TMOD2: variants seen among roughly 807,000 people sequenced by gnomAD.
The protein encoded by TMOD2 is tropomodulin-2.
In TMOD2, 22 loss-of-function variants were observed where a neutral mutation model predicts 39.9. The observed-to-expected ratio is 0.55, with a 90% CI of 0.39 to 0.79. The LOEUF (loss-of-function observed/expected upper bound fraction) is 0.79, where lower values mean the gene tolerates loss of function less well. Ranked by LOEUF, TMOD2 falls within the 30% of genes least tolerant of loss-of-function variation. TMOD2 has a pLI of 0.00. For missense variants in TMOD2, 386 were observed against 413.3 expected, an observed-to-expected ratio of 0.93 and a Z score of 0.57; for synonymous variants, 123 against 146.1, an observed-to-expected ratio of 0.84 and a Z score of 1.14.
At chr15:51,792,577 C>T (rs1320507303) in intron 7 of TMOD2, among the ~76,000 whole-genome samples, 4 of 152,210 alleles carry the variant, frequency 2.6e-5, no homozygotes, top group East Asian at 3.9e-4. Context: ...ATGTTTATCG[C>T]GGCACTATTC....
At chr15:51,759,769 C>T (rs2055767701) in intron 1 of TMOD2, among the ~76,000 whole-genome samples, 1 of 152,114 alleles carries the variant, frequency 6.6e-6, no homozygotes, top group South Asian at 2.1e-4. Context: ...ACTCGAGTAA[C>T]TTGAGAAAAA....
At chr15:51,786,509 G>T (rs1010733600) in intron 7 of TMOD2, among the ~76,000 whole-genome samples, 1 of 152,162 alleles carries the variant, frequency 6.6e-6, no homozygotes, top group Non-Finnish European at 1.5e-5. Context: ...AGGCTGTTTG[G>T]CATTCAATCA....
At chr15:51,762,199 G>A (rs974764052) in intron 1 of TMOD2, among the ~76,000 whole-genome samples, 9 of 151,878 alleles carry the variant, frequency 5.9e-5, no homozygotes, top group Admixed American at 6.6e-5. Flanking sequence ...GCTCATACCT[G>A]TAATTCCAGC....
intron 1 of TMOD2, among the ~76,000 whole-genome samples, chr15:51,759,961 C>T (rs74015768): frequency 2.0e-5 from 3 of 152,186 alleles, no homozygotes; most frequent in Non-Finnish European, 2.9e-5. Context: ...CAATCTCCCC[C>T]TCCCCTGCTC....
At chr15:51,762,186 G>A (rs563042151) in intron 1 of TMOD2, among the ~76,000 whole-genome samples, 1 of 152,080 alleles carries the variant, frequency 6.6e-6, no homozygotes, top group South Asian at 2.1e-4. Context: ...GCTGGGCACA[G>A]TGGCTCATAC....
At chr15:51,761,627 G>A (rs1269631676) in intron 1 of TMOD2, among the ~76,000 whole-genome samples, 1 of 151,532 alleles carries the variant, frequency 6.6e-6, no homozygotes, top group African/African-American at 2.4e-5. Flanking sequence ...CCAGCTACTC[G>A]AGGGACTGAA....
chr15:51,812,008 T>A lies in TMOD2; in HGVS notation c.*3554T>A, dbSNP rs1436455296. 6.6e-6 allele frequency: 1 copy of A among 152,180 alleles called. No homozygotes were observed. Among genetic ancestry groups the A allele is most frequent in the East Asian group, 1.9e-4 (1 of 5,200 alleles). The allele number at this position is 152,180 out of a possible 1,614,324, so 9.4% of individuals were successfully genotyped here. A position where few individuals can be genotyped will look rare whatever the true frequency, so the allele number is the denominator to read the frequency against. On this transcript the variant is annotated 3_prime_UTR_variant, in exon 10 of 10. Coordinates refer to ENST00000249700, the MANE Select transcript of TMOD2 (RefSeq NM_014548.4). Reference sequence around the variant, plus strand: ...CTTTCTTCCATCTTTGTAGGGCACATTGTATATAAATATTTTGTACATAAA... The same window carrying A: ...CTTTCTTCCATCTTTGTAGGGCACAATGTATATAAATATTTTGTACATAAA...
At chr15:51,774,021 T>C (rs2055871310) in intron 4 of TMOD2, among the ~76,000 whole-genome samples, 187 bp downstream of exon 4, 2 of 152,230 alleles carry the variant, frequency 1.3e-5, no homozygotes, top group South Asian at 4.1e-4. Context: ...TTTTGCTCTA[T>C]TTCAGCAGCA....
intron 8 of TMOD2, among the ~76,000 whole-genome samples, chr15:51,804,598 GA>G (rs1273147187): frequency 6.6e-6 from 1 of 151,388 alleles, no homozygotes; most frequent in African/African-American, 2.4e-5. Context: ...TTTTGAGATG[GA>G]GCCTACTCTG....
chr15:51,797,161 C>G (rs1221468904), intron 7 of TMOD2, among the ~76,000 whole-genome samples: 1 of 152,228 alleles, frequency 6.6e-6, no homozygotes, highest in Non-Finnish European at 1.5e-5. Context: ...GAATACTGTA[C>G]TTCATTCCTG....
At chr15:51,778,150 T>A (rs1595868693) in intron 5 of TMOD2, among the ~76,000 whole-genome samples, 1 of 151,558 alleles carries the variant, frequency 6.6e-6, no homozygotes, top group Non-Finnish European at 1.5e-5. Flanking sequence ...TGGAATACTA[T>A]GCAGCCATAA....
chr15:51,793,607 T>G (rs1013669796), intron 7 of TMOD2, among the ~76,000 whole-genome samples: 5 of 152,256 alleles, frequency 3.3e-5, no homozygotes, highest in Admixed American at 1.3e-4. Context: ...GTTTTACTAA[T>G]GTTATTATTC....
intron 3 of TMOD2, among the ~76,000 whole-genome samples, chr15:51,769,631 C>G (rs972394422): frequency 1.3e-5 from 2 of 152,240 alleles, no homozygotes; most frequent in Non-Finnish European, 2.9e-5. Context: ...GGAAGAGTGA[C>G]TATCAATAGC....
At chr15:51,759,138 C>T (rs966744353) in intron 1 of TMOD2, among the ~76,000 whole-genome samples, 10 of 152,058 alleles carry the variant, frequency 6.6e-5, no homozygotes, top group African/African-American at 1.9e-4. Flanking sequence ...ATTCTCAACA[C>T]GTTTAGGTAA....
intron 1 of TMOD2, among the ~76,000 whole-genome samples, chr15:51,761,904 T>A (rs1353789720): frequency 6.7e-6 from 1 of 148,224 alleles, no homozygotes; most frequent in Non-Finnish European, 1.5e-5. Flanking sequence ...TCCCAGCACT[T>A]TGGGAGGCCG....
intron 7 of TMOD2, chr15:51,784,314 A>T (rs991231397): frequency 3.3e-5 from 5 of 152,158 alleles, no homozygotes; most frequent in African/African-American, 1.2e-4. Flanking sequence ...CCTTGAATCG[A>T]GTTAGAAAAA....
At chr15:51,806,355 A>C in intron 8 of TMOD2, 22 bp from the exon 9 acceptor site, 2 of 1,613,690 alleles carry the variant, frequency 1.2e-6, no homozygotes, top group South Asian at 1.1e-5. Flanking sequence ...CATCCTGTGC[A>C]TGTGTCTGCA....
chr15:51,793,991 T>C (rs917637473), intron 7 of TMOD2, among the ~76,000 whole-genome samples: 1 of 152,238 alleles, frequency 6.6e-6, no homozygotes, highest in Non-Finnish European at 1.5e-5. Flanking sequence ...TAAATCCAAA[T>C]TGTTGAGCTT....
intron 4 of TMOD2, 58 bp from the exon 5 acceptor site, chr15:51,776,869 TAACAA>T: frequency 7.5e-7 from 1 of 1,334,706 alleles, no homozygotes; most frequent in Non-Finnish European, 1.1e-6. Flanking sequence ...AGGGACAAAT[TAACAA>T]TGTGGACATC....
Sources: gnomAD v4.1 joint callset for allele counts (sites outside exome capture counted in the v4.1 genomes callset) on GRCh38, gnomAD v4.1.1 for gene constraint, MANE v1.5 for transcripts, NCBI Gene and HGNC (gene_info 2026-07-23, HGNC 2026-07-21) for gene names.